SMAP1: variants seen among roughly 807,000 people sequenced by gnomAD.
SMAP1 encodes stromal membrane-associated protein 1.
In SMAP1, 24 loss-of-function variants were observed where a neutral mutation model predicts 58.5. That is an observed-to-expected ratio of 0.41 (90% CI 0.30 to 0.58). The LOEUF is 0.58. Among genes scored for constraint, SMAP1 ranks in the 20% least tolerant of loss-of-function variants. The probability of loss-of-function intolerance (pLI) is 0.29; values close to 1 mark genes in which losing one functional copy is unlikely to be tolerated. For synonymous variants in SMAP1, 216 were observed against 196.6 expected (o/e 1.10, Z -0.82); for missense variants, 563 against 566.3 (o/e 0.99, Z 0.06).
At chr6:70,856,729 A>G in intron 8 of SMAP1, 130 bp from the exon 9 acceptor site, 3 of 876,328 alleles carry the variant, frequency 3.4e-6, no homozygotes, top group Non-Finnish European at 5.1e-6. Context: ...ATCCTCTTGA[A>G]TGGCACCATT....
chr6:70,680,712 G>GTTTTTTTTT (rs34867967), intron 1 of SMAP1, among the ~76,000 whole-genome samples: 16 of 78,998 alleles, frequency 2.0e-4, no homozygotes, highest in Non-Finnish European at 2.7e-4. Context: ...TGGATTTCCT[G>GTTTTTTTTT]TTTTTTTTTT....
At chr6:70,770,443 C>T (rs1249310691) in intron 3 of SMAP1, among the ~76,000 whole-genome samples, 8 of 152,110 alleles carry the variant, frequency 5.3e-5, no homozygotes, top group Non-Finnish European at 1.0e-4. Flanking sequence ...AGACTTTGTT[C>T]GTTTCTTTTT....
chr6:70,668,258 C>G, intron 1 of SMAP1, 117 bp downstream of exon 1: 2 of 973,372 alleles, frequency 2.1e-6, no homozygotes, highest in Non-Finnish European at 1.5e-6. Context: ...GGCTCCTGCC[C>G]TGACTGGAGG....
At chr6:70,815,708 G>A (rs1185428343) in intron 6 of SMAP1, among the ~76,000 whole-genome samples, 1 of 152,094 alleles carries the variant, frequency 6.6e-6, no homozygotes, top group Non-Finnish European at 1.5e-5. Flanking sequence ...TCAAAAGGCA[G>A]TTAGACTGAA....
At chr6:70,772,363 A>T (rs2149913520) in intron 3 of SMAP1, among the ~76,000 whole-genome samples, 1 of 152,328 alleles carries the variant, frequency 6.6e-6, no homozygotes, top group East Asian at 1.9e-4. Flanking sequence ...CCGCCCAGGT[A>T]ACTTTTCTTT....
chr6:70,726,149 A>G (rs1213289114), intron 1 of SMAP1, among the ~76,000 whole-genome samples: 1 of 152,142 alleles, frequency 6.6e-6, no homozygotes, highest in Non-Finnish European at 1.5e-5. Flanking sequence ...CCTACTTTGC[A>G]TATTTGTTAG....
At chr6:70,705,140 C>G (rs932337372) in intron 1 of SMAP1, among the ~76,000 whole-genome samples, 5 of 152,032 alleles carry the variant, frequency 3.3e-5, no homozygotes, top group Non-Finnish European at 7.4e-5. Context: ...GCTTCTGAGT[C>G]TTTTCCCTTC....
chr6:70,839,905 T>A (rs1196587832), intron 7 of SMAP1, among the ~76,000 whole-genome samples: 1 of 152,228 alleles, frequency 6.6e-6, no homozygotes, highest in African/African-American at 2.4e-5. Context: ...AAGGTCTCTT[T>A]CAGCTCAAAA....
At chr6:70,715,043 T>C (rs1391695018) in intron 1 of SMAP1, among the ~76,000 whole-genome samples, 8 of 152,024 alleles carry the variant, frequency 5.3e-5, no homozygotes, top group Admixed American at 5.2e-4. Flanking sequence ...CTGTCTTTAA[T>C]TTTTGACAAT....
At chr6:70,752,159 G>A (rs1766305625) in intron 2 of SMAP1, among the ~76,000 whole-genome samples, 2 of 152,286 alleles carry the variant, frequency 1.3e-5, no homozygotes, top group South Asian at 4.2e-4. Context: ...CTGAATCTTA[G>A]TGTCAGCCGT....
At chr6:70,722,632 C>G (rs1027949668) in intron 1 of SMAP1, among the ~76,000 whole-genome samples, 3 of 152,176 alleles carry the variant, frequency 2.0e-5, no homozygotes, top group Non-Finnish European at 4.4e-5. Context: ...AGAGATTTAT[C>G]CACATATTTA....
intron 1 of SMAP1, among the ~76,000 whole-genome samples, chr6:70,686,875 C>A (rs781964): frequency 0.43 from 66,069 of 152,066 alleles, 14,707 homozygotes; most frequent in South Asian, 0.5. Context: ...GGAACATTCT[C>A]TTTGGGACAG....
intron 1 of SMAP1, among the ~76,000 whole-genome samples, chr6:70,678,137 G>A (rs1243348770): frequency 6.6e-6 from 1 of 152,104 alleles, no homozygotes; most frequent in East Asian, 1.9e-4. Context: ...GGACCTTGAG[G>A]GTCCGAAGGA....
intron 7 of SMAP1, 119 bp downstream of exon 7, chr6:70,837,147 A>C: frequency 1.5e-6 from 1 of 649,374 alleles, no homozygotes; most frequent in Non-Finnish European, 2.4e-6. Flanking sequence ...ACTGAATTTG[A>C]AAATGGTATG....
chr6:70,763,918 G>C (rs1766857011), intron 3 of SMAP1, among the ~76,000 whole-genome samples: 1 of 152,080 alleles, frequency 6.6e-6, no homozygotes, highest in Admixed American at 6.6e-5. Flanking sequence ...TTGTGTTTTT[G>C]TTTTGTCTGT....
chr6:70,750,190 A>G (rs1766216841), intron 2 of SMAP1, among the ~76,000 whole-genome samples: 1 of 152,124 alleles, frequency 6.6e-6, no homozygotes, highest in Non-Finnish European at 1.5e-5. Context: ...CTTAATTGCC[A>G]TTTGTCACTG....
At chr6:70,792,490 A>G (rs1768407179) in intron 5 of SMAP1, among the ~76,000 whole-genome samples, 1 of 152,116 alleles carries the variant, frequency 6.6e-6, no homozygotes, top group Non-Finnish European at 1.5e-5. Context: ...TTACAGTCTA[A>G]GGCAAGAAAA....
intron 8 of SMAP1, among the ~76,000 whole-genome samples, chr6:70,853,564 A>G (rs1771271093): frequency 6.6e-6 from 1 of 152,192 alleles, no homozygotes; most frequent in Non-Finnish European, 1.5e-5. Flanking sequence ...GCACATATTT[A>G]TTGTTATTAT....
chr6:70,826,117 C>G (rs1770104193), intron 6 of SMAP1, among the ~76,000 whole-genome samples: 1 of 152,186 alleles, frequency 6.6e-6, no homozygotes, highest in African/African-American at 2.4e-5. Flanking sequence ...GAAAGGGACT[C>G]TCTTTAAATT....
Sources: gnomAD v4.1 joint callset for allele counts (sites outside exome capture counted in the v4.1 genomes callset) on GRCh38, gnomAD v4.1.1 for gene constraint, MANE v1.5 for transcripts, NCBI Gene and HGNC (gene_info 2026-07-23, HGNC 2026-07-21) for gene names.